The following STON2 variants were observed in gnomAD, a reference collection of about 807,000 sequenced individuals.
STON2 encodes stonin 2, also known as stonin-2.
A neutral mutation model predicts 65.7 loss-of-function variants in STON2; 29 were observed. That is an observed-to-expected ratio of 0.44 (90% CI 0.33 to 0.60). The LOEUF is 0.60. Ranked by LOEUF, STON2 falls within the 20% of genes least tolerant of loss-of-function variation. The probability of loss-of-function intolerance (pLI) is 0.03; values close to 1 mark genes in which losing one functional copy is unlikely to be tolerated. For missense variants in STON2, 1,054 were observed against 1,118.1 expected (o/e 0.94, Z 0.82); for synonymous variants, 404 against 414.2 (o/e 0.98, Z 0.30).
At chr14:81,316,404 C>A (rs1190621628) in intron 5 of STON2, among the ~76,000 whole-genome samples, 1 of 152,184 alleles carries the variant, frequency 6.6e-6, no homozygotes, top group Non-Finnish European at 1.5e-5. Flanking sequence ...TTGTTAAACA[C>A]CTTCCTGCTA....
chr14:81,267,858 G>C lies in STON2; in HGVS notation c.*556C>G. On this transcript the variant is annotated 3_prime_UTR_variant, in exon 8 of 8. Transcript: ENST00000614646. ...TCTAGAGCCAGGAGGGAAATGTCTT[G>C]AAAGCTTAACAGTTAAAGAATGGAG... The C allele has an allele frequency of 1.0e-6, 1 of 985,410 alleles. No homozygotes were observed. Among genetic ancestry groups the C allele is most frequent in the Non-Finnish European group, 1.2e-6 (1 of 829,950 alleles). 61.0% of individuals were successfully genotyped at this position (985,410 alleles called of 1,614,324 possible). A position where few individuals can be genotyped will look rare whatever the true frequency, so the allele number is the denominator to read the frequency against.
At chr14:81,406,829 G>C (rs1000854179) in intron 2 of STON2, among the ~76,000 whole-genome samples, 1 of 152,102 alleles carries the variant, frequency 6.6e-6, no homozygotes, top group African/African-American at 2.4e-5. Flanking sequence ...CTCTAAACTG[G>C]CCAACGGTTC....
intron 4 of STON2, among the ~76,000 whole-genome samples, chr14:81,328,501 T>C (rs1897081275): frequency 6.6e-6 from 1 of 152,186 alleles, no homozygotes; most frequent in African/African-American, 2.4e-5. Context: ...AAGAAAGATG[T>C]ACCAGCATTG....
At chr14:81,289,138 T>C (rs1217699742) in intron 5 of STON2, among the ~76,000 whole-genome samples, 1 of 152,146 alleles carries the variant, frequency 6.6e-6, no homozygotes, top group Non-Finnish European at 1.5e-5. Context: ...TCAGGAACAA[T>C]TAGGTTCCTG....
chr14:81,340,932 T>C (rs923654275), intron 4 of STON2, among the ~76,000 whole-genome samples: 3 of 151,644 alleles, frequency 2.0e-5, no homozygotes, highest in African/African-American at 7.3e-5. Context: ...CATGTTAATA[T>C]ATTAATAATT....
intron 6 of STON2, among the ~76,000 whole-genome samples, chr14:81,275,238 A>AT (rs1178578980): frequency 6.6e-6 from 1 of 152,172 alleles, no homozygotes; most frequent in Non-Finnish European, 1.5e-5. Flanking sequence ...AAAACTGCAA[A>AT]TATCTGTTCT....
intron 2 of STON2, among the ~76,000 whole-genome samples, chr14:81,413,641 A>G (rs1901278810): frequency 7.2e-6 from 1 of 138,230 alleles, no homozygotes; most frequent in South Asian, 2.4e-4. Flanking sequence ...TAAAAATACA[A>G]AAAAATTAGC....
At chr14:81,354,066 C>T (rs1292612685) in intron 4 of STON2, among the ~76,000 whole-genome samples, 1 of 152,202 alleles carries the variant, frequency 6.6e-6, no homozygotes, top group Non-Finnish European at 1.5e-5. Context: ...TGATCAGAAA[C>T]TCCACCTGAC....
chr14:81,430,688 C>A (rs191843896), intron 1 of STON2, among the ~76,000 whole-genome samples: 3 of 152,292 alleles, frequency 2.0e-5, no homozygotes, highest in Admixed American at 2.0e-4. Context: ...AGAGCAGTAA[C>A]ACTAAAGTCT....
intron 6 of STON2, among the ~76,000 whole-genome samples, chr14:81,273,703 A>T (rs1451150919): frequency 6.6e-6 from 1 of 152,042 alleles, no homozygotes; most frequent in African/African-American, 2.4e-5. Flanking sequence ...GGTGGCTGGG[A>T]CTGGGACAAG....
chr14:81,267,018 T>C lies in STON2; in HGVS notation c.*1396A>G. ...TACACATTTAGACTCCAATGATTGT[T>C]CATTGAATACATTAATCTTGAATCC... On this transcript the variant is annotated 3_prime_UTR_variant, in exon 8 of 8. Transcript: ENST00000614646. The C allele has an allele frequency of 1.0e-6, 1 of 985,454 alleles. No homozygotes were observed. The highest frequency in any genetic ancestry group is 1.2e-6 in the Non-Finnish European group (1 of 829,920). The allele number at this position is 985,454 out of a possible 1,614,324, so 61.0% of individuals were successfully genotyped here. A position where few individuals can be genotyped will look rare whatever the true frequency, so the allele number is the denominator to read the frequency against.
intron 4 of STON2, among the ~76,000 whole-genome samples, chr14:81,363,992 A>C (rs1197681002): frequency 6.6e-6 from 1 of 152,190 alleles, no homozygotes; most frequent in African/African-American, 2.4e-5. Flanking sequence ...GATCTTATTA[A>C]ATAATGACGA....
chr14:81,383,665 A>C (rs910081806), intron 3 of STON2, among the ~76,000 whole-genome samples: 24 of 152,082 alleles, frequency 1.6e-4, no homozygotes, highest in Admixed American at 3.9e-4. Flanking sequence ...TGCAAGCCAC[A>C]ATCCTCTCTT....
chr14:81,307,633 T>C (rs1353254403), intron 5 of STON2, among the ~76,000 whole-genome samples: 1 of 152,220 alleles, frequency 6.6e-6, no homozygotes, highest in East Asian at 1.9e-4. Context: ...TCTGCTTATA[T>C]GCAAATTTTC....
chr14:81,304,722 T>C (rs1896107106), intron 5 of STON2, among the ~76,000 whole-genome samples: 1 of 151,906 alleles, frequency 6.6e-6, no homozygotes. Context: ...AGTGAGACTG[T>C]CACAGGAAAA....
In STON2 at chr14:81,405,522, GTT is replaced by G. The variant is rs60663114; in HGVS notation, c.-198-6944_-198-6943del. Among the ~76,000 whole-genome samples the G allele has an allele frequency of 7.5e-4, 80 of 107,362 alleles. 2 individuals carry two copies. The South Asian group carries it at 0.012, about 17-fold the overall frequency. 70.4% of individuals were successfully genotyped at this position (107,362 alleles called of 152,430 possible). A position where few individuals can be genotyped will look rare whatever the true frequency, so the allele number is the denominator to read the frequency against. ...TTCCTAAGGTTTTTACTTTCCTAAG[GTT>G]TTTTTTTTTTTTTTGCATACCTAAT... On this transcript the variant is annotated intron_variant, in intron 2 of 8. Coordinates refer to the STON2 transcript ENST00000553821.
chr14:81,347,807 G>A lies in STON2; in HGVS notation c.571+23181C>T, dbSNP rs572585258. Among the ~76,000 whole-genome samples, 25 of 148,596 alleles carry A rather than the reference G, an allele frequency of 1.7e-4. No homozygotes were observed. In the South Asian group the frequency reaches 5.1e-3, roughly 31 times the overall value. On this transcript the variant is annotated intron_variant, in intron 4 of 7. Transcript: ENST00000614646. ...GCTTGTAGTTCCAGCTACTTTGGAG[G>A]CTGAGGCAGGAGGATTGCTTGAGCC...
intron 4 of STON2, among the ~76,000 whole-genome samples, chr14:81,347,153 TAAAG>T (rs1897839816): frequency 1.3e-5 from 2 of 150,246 alleles, no homozygotes; most frequent in South Asian, 4.2e-4. Context: ...TTTGAAAAGA[TAAAG>T]AAAATTGATA....
At chr14:81,401,209 C>G (rs2140452536), upstream of STON2, among the ~76,000 whole-genome samples, 1 of 152,234 alleles carries the variant, frequency 6.6e-6, no homozygotes, top group Non-Finnish European at 1.5e-5. Flanking sequence ...GCTACAGTGC[C>G]CAGAAGGCAG....
Sources: allele counts gnomAD v4.1 joint callset (sites outside exome capture counted in the v4.1 genomes callset), GRCh38; gene constraint gnomAD v4.1.1; transcripts MANE v1.5; gene names NCBI Gene and HGNC (gene_info 2026-07-23, HGNC 2026-07-21).